CYP7B1: variants seen among roughly 807,000 people sequenced by gnomAD.
CYP7B1 encodes cytochrome P450 family 7 subfamily B member 1, also known as cytochrome P450 7B1.
A neutral mutation model predicts 42.7 loss-of-function variants in CYP7B1; 29 were observed. The ratio of observed to expected loss-of-function variants is 0.68; its 90% CI spans 0.51 to 0.93. The LOEUF (loss-of-function observed/expected upper bound fraction) is 0.93. CYP7B1 is among the 40% of genes least tolerant of loss of function. The probability of loss-of-function intolerance (pLI) is 0.00; values close to 1 mark genes in which losing one functional copy is unlikely to be tolerated. For synonymous variants in CYP7B1, 235 were observed against 218.2 expected, an observed-to-expected ratio of 1.08 and a Z score of -0.68; for missense variants, 655 against 600.5, an observed-to-expected ratio of 1.09 and a Z score of -0.95.
intron 1 of CYP7B1, among the ~76,000 whole-genome samples, chr8:64,790,985 T>C (rs1180749423): frequency 2.0e-5 from 3 of 152,032 alleles, no homozygotes; most frequent in Non-Finnish European, 4.4e-5. Flanking sequence ...GAATTCTGTG[T>C]GAAGATAAAA....
intron 1 of CYP7B1, among the ~76,000 whole-genome samples, chr8:64,718,696 C>T (rs973832316): frequency 1.3e-5 from 2 of 152,208 alleles, no homozygotes; most frequent in African/African-American, 4.8e-5. Context: ...ATGGAGCTTC[C>T]TGTGGGCAGA....
At chr8:64,619,030 G>A (rs1563365555) in intron 2 of CYP7B1, among the ~76,000 whole-genome samples, 1 of 152,100 alleles carries the variant, frequency 6.6e-6, no homozygotes. Flanking sequence ...GGGTTTGGAA[G>A]TACTAATAAC....
At chr8:64,682,504 T>C (rs930464883) in intron 1 of CYP7B1, among the ~76,000 whole-genome samples, 2 of 152,216 alleles carry the variant, frequency 1.3e-5, no homozygotes, top group Non-Finnish European at 2.9e-5. Flanking sequence ...TCCTGGGACT[T>C]AGGCCTGAGA....
At chr8:64,632,193 T>A (rs978292913) in intron 1 of CYP7B1, among the ~76,000 whole-genome samples, 2 of 152,152 alleles carry the variant, frequency 1.3e-5, no homozygotes, top group African/African-American at 2.4e-5. Flanking sequence ...GACACATGAA[T>A]GGATAAGGAA....
chr8:64,686,116 T>C (rs1267729965), intron 1 of CYP7B1, among the ~76,000 whole-genome samples: 252 of 47,748 alleles, frequency 5.3e-3, no homozygotes, highest in Admixed American at 6.9e-3. Flanking sequence ...GGGTCAGCCC[T>C]CCGCCCGGCC....
At chr8:64,695,449 G>A (rs1357239968) in intron 1 of CYP7B1, among the ~76,000 whole-genome samples, 2 of 152,160 alleles carry the variant, frequency 1.3e-5, no homozygotes, top group Admixed American at 6.5e-5. Context: ...TAAAATGGAA[G>A]TGATCAGATT....
intron 1 of CYP7B1, among the ~76,000 whole-genome samples, chr8:64,724,714 G>A (rs1161417704): frequency 6.6e-6 from 1 of 152,076 alleles, no homozygotes; most frequent in Non-Finnish European, 1.5e-5. Context: ...GCTTTGGTGT[G>A]CTGAGTACTT....
rs143446748 is a variant in CYP7B1, at chr8:64,665,515, G to T, written c.123-40976C>A. Among the ~76,000 whole-genome samples, 5 of 140,666 alleles carry T rather than the reference G, an allele frequency of 3.6e-5. No individual in the cohort carries two copies. In the East Asian group the frequency reaches 8.5e-4, roughly 24 times the overall value. The allele number at this position is 140,666 out of a possible 152,430, so 92.3% of individuals were successfully genotyped here. A position where few individuals can be genotyped will look rare whatever the true frequency, so the allele number is the denominator to read the frequency against. ...CAAAGTGTTTTAACTTAGCCAAACT[G>T]CTTCACCTTTAGAGCAGCATTTTAA... On this transcript the variant is annotated intron_variant, in intron 1 of 5. Transcript: ENST00000310193.
At chr8:64,791,993 T>G (rs1332025007) in intron 1 of CYP7B1, among the ~76,000 whole-genome samples, 1 of 151,942 alleles carries the variant, frequency 6.6e-6, no homozygotes, top group East Asian at 1.9e-4. Context: ...AGTTAAATCA[T>G]CAAAAATAAA....
At chr8:64,785,249 C>T (rs1804503057) in intron 1 of CYP7B1, among the ~76,000 whole-genome samples, 1 of 152,152 alleles carries the variant, frequency 6.6e-6, no homozygotes, top group Admixed American at 6.5e-5. Flanking sequence ...TCTCATTCAT[C>T]GCTGGTAGGA....
intron 1 of CYP7B1, among the ~76,000 whole-genome samples, chr8:64,699,984 G>A (rs189248360): frequency 1.3e-5 from 2 of 152,208 alleles, no homozygotes; most frequent in Admixed American, 6.5e-5. Context: ...GGCACCTGGT[G>A]CTAGAACCCA....
chr8:64,704,914 C>T (rs1277162745), intron 1 of CYP7B1, among the ~76,000 whole-genome samples: 1 of 152,010 alleles, frequency 6.6e-6, no homozygotes, highest in Non-Finnish European at 1.5e-5. Context: ...ACTACACTTA[C>T]TTAGTTCCAC....
chr8:64,622,081 C>T (rs1356318919), intron 2 of CYP7B1, among the ~76,000 whole-genome samples: 1 of 152,122 alleles, frequency 6.6e-6, no homozygotes, highest in African/African-American at 2.4e-5. Flanking sequence ...CTGATAATTT[C>T]CTCCAGTTGG....
intron 1 of CYP7B1, among the ~76,000 whole-genome samples, chr8:64,641,030 G>A (rs982202302): frequency 6.6e-6 from 1 of 152,162 alleles, no homozygotes; most frequent in Non-Finnish European, 1.5e-5. Flanking sequence ...AGCTTGAAAG[G>A]GAGTTTGGCA....
At chr8:64,637,347 T>C (rs1805788549) in intron 1 of CYP7B1, among the ~76,000 whole-genome samples, 1 of 152,192 alleles carries the variant, frequency 6.6e-6, no homozygotes, top group Non-Finnish European at 1.5e-5. Flanking sequence ...TATTTTAATA[T>C]TGGATAAACT....
intron 1 of CYP7B1, among the ~76,000 whole-genome samples, chr8:64,772,956 T>C (rs551744758): frequency 5.9e-5 from 9 of 152,270 alleles, no homozygotes; most frequent in South Asian, 4.1e-4. Flanking sequence ...CTTTGTCCAA[T>C]TATTTGCTCA....
intron 1 of CYP7B1, among the ~76,000 whole-genome samples, chr8:64,729,187 C>CTTGGTA (rs1563407371): frequency 6.6e-6 from 1 of 152,098 alleles, no homozygotes; most frequent in East Asian, 1.9e-4. Context: ...ATCAGAGAAG[C>CTTGGTA]TCTAAGATAA....
chr8:64,754,185 T>C (rs1807773217), intron 1 of CYP7B1, among the ~76,000 whole-genome samples: 1 of 152,146 alleles, frequency 6.6e-6, no homozygotes. Flanking sequence ...TGGCTCTAAA[T>C]AGGATGCTCG....
chr8:64,781,862 G>A (rs1266351971), intron 1 of CYP7B1, among the ~76,000 whole-genome samples: 4 of 151,956 alleles, frequency 2.6e-5, no homozygotes, highest in South Asian at 2.1e-4. Flanking sequence ...CAAAAACCCA[G>A]GTCTATTCCC....
Sources: allele counts gnomAD v4.1 joint callset (sites outside exome capture counted in the v4.1 genomes callset), GRCh38; gene constraint gnomAD v4.1.1; transcripts MANE v1.5; gene names NCBI Gene and HGNC (gene_info 2026-07-23, HGNC 2026-07-21).